The following CDKAL1 variants were observed in gnomAD, a reference collection of about 807,000 sequenced individuals.
CDKAL1 encodes CDKAL1 threonylcarbamoyladenosine tRNA methylthiotransferase, also known as threonylcarbamoyladenosine tRNA methylthiotransferase.
In CDKAL1, 32 loss-of-function variants were observed where a neutral mutation model predicts 68.2. The observed-to-expected ratio is 0.47, with a 90% CI of 0.35 to 0.63. The LOEUF (loss-of-function observed/expected upper bound fraction) is 0.63, where lower values mean the gene tolerates loss of function less well. Ranked by LOEUF, CDKAL1 falls within the 30% of genes least tolerant of loss-of-function variation. The pLI is 0.00. For missense variants in CDKAL1, 606 were observed against 696.7 expected, an observed-to-expected ratio of 0.87 and a Z score of 1.47; for synonymous variants, 234 against 244.3, an observed-to-expected ratio of 0.96 and a Z score of 0.39.
At chr6:21,185,927 A>G (rs1777991937) in intron 13 of CDKAL1, among the ~76,000 whole-genome samples, 1 of 152,132 alleles carries the variant, frequency 6.6e-6, no homozygotes, top group South Asian at 2.1e-4. Flanking sequence ...ACAGCAGGAG[A>G]GGAAATCAGA....
At chr6:21,204,950 C>A (rs1220514908) in intron 15 of CDKAL1, among the ~76,000 whole-genome samples, 2 of 152,178 alleles carry the variant, frequency 1.3e-5, no homozygotes, top group Non-Finnish European at 2.9e-5. Flanking sequence ...CTCCTCATTT[C>A]CCCCTTCCCT....
intron 2 of CDKAL1, among the ~76,000 whole-genome samples, chr6:20,542,806 T>C (rs963887877): frequency 5.3e-5 from 8 of 152,198 alleles, no homozygotes; most frequent in African/African-American, 1.9e-4. Flanking sequence ...TTTATAGTCA[T>C]ACCCATTCTC....
At chr6:21,106,802 G>A (rs2150989589) in intron 12 of CDKAL1, among the ~76,000 whole-genome samples, 1 of 152,274 alleles carries the variant, frequency 6.6e-6, no homozygotes, top group South Asian at 2.1e-4. Context: ...AGGGACAGCT[G>A]TACATAGAAT....
intron 8 of CDKAL1, among the ~76,000 whole-genome samples, chr6:20,838,466 G>T (rs1778047237): frequency 6.6e-6 from 1 of 152,104 alleles, no homozygotes; most frequent in African/African-American, 2.4e-5. Context: ...ATTTTTGTCT[G>T]CTGTCATTGC....
rs1485295348 is a variant in CDKAL1 at position 21,184,703 on chromosome 6, TAC to T, written c.1300-13316_1300-13315del. Among the ~76,000 whole-genome samples, 6 of 152,220 alleles carry T rather than the reference TAC, an allele frequency of 3.9e-5. No individual in the cohort carries two copies. In the East Asian group the frequency reaches 1.2e-3, roughly 29 times the overall value. On this transcript the variant is annotated intron_variant, in intron 13 of 15. Transcript: ENST00000274695. ...GTCTCACTCTGTTCCCAGGCTGGAG[TAC>T]AGTGGCACATTCATAGCTCACTGGT...
At chr6:20,921,740 A>T (rs1430515034) in intron 9 of CDKAL1, among the ~76,000 whole-genome samples, 1 of 152,138 alleles carries the variant, frequency 6.6e-6, no homozygotes, top group Non-Finnish European at 1.5e-5. Context: ...CCTATTGGTG[A>T]TGTAATTTCT....
At chr6:20,968,986 T>C (rs1765460266) in intron 10 of CDKAL1, among the ~76,000 whole-genome samples, 1 of 152,160 alleles carries the variant, frequency 6.6e-6, no homozygotes, top group Non-Finnish European at 1.5e-5. Context: ...AGGGTTTTCT[T>C]ATGGTTTATG....
intron 5 of CDKAL1, among the ~76,000 whole-genome samples, chr6:20,702,098 T>G (rs1256099610): frequency 6.6e-6 from 1 of 152,158 alleles, no homozygotes; most frequent in Non-Finnish European, 1.5e-5. Context: ...CCTGTGCTGT[T>G]TGGTGTTTAA....
chr6:21,141,319 C>T (rs1318338065), intron 13 of CDKAL1, among the ~76,000 whole-genome samples: 1 of 152,192 alleles, frequency 6.6e-6, no homozygotes, highest in Non-Finnish European at 1.5e-5. Flanking sequence ...AGCCCAGGCA[C>T]CTCCACGAAG....
chr6:20,907,188 A>G (rs577900190), intron 9 of CDKAL1, among the ~76,000 whole-genome samples: 1 of 152,298 alleles, frequency 6.6e-6, no homozygotes, highest in African/African-American at 2.4e-5. Context: ...ATCATTCAAT[A>G]TGTCTTAACT....
intron 4 of CDKAL1, among the ~76,000 whole-genome samples, chr6:20,610,096 A>G (rs1249699366): frequency 6.6e-6 from 1 of 152,320 alleles, no homozygotes; most frequent in Non-Finnish European, 1.5e-5. Context: ...ATGTCCCTGC[A>G]AAGGACATGA....
intron 9 of CDKAL1, among the ~76,000 whole-genome samples, chr6:20,872,011 T>C (rs1760245730): frequency 6.6e-6 from 1 of 152,146 alleles, no homozygotes. Context: ...CTTGAAGTTA[T>C]TTTGCCCCAA....
At chr6:21,171,200 T>C (rs2151075184) in intron 13 of CDKAL1, among the ~76,000 whole-genome samples, 1 of 152,288 alleles carries the variant, frequency 6.6e-6, no homozygotes, top group African/African-American at 2.4e-5. Flanking sequence ...AATGCTATCA[T>C]TATATTGCAT....
At chr6:20,764,624 T>C (rs1372650762) in intron 7 of CDKAL1, among the ~76,000 whole-genome samples, 2 of 152,190 alleles carry the variant, frequency 1.3e-5, no homozygotes, top group African/African-American at 4.8e-5. Context: ...CTGTATCAAG[T>C]GTGGTTTGAT....
intron 4 of CDKAL1, among the ~76,000 whole-genome samples, chr6:20,618,474 G>A (rs10456007): frequency 0.26 from 39,220 of 151,886 alleles, 5,403 homozygotes; most frequent in Middle Eastern, 0.37. Context: ...TGTTTTAGTC[G>A]TGAAGTCCTT....
intron 9 of CDKAL1, among the ~76,000 whole-genome samples, chr6:20,871,571 A>G (rs1257385028): frequency 1.3e-5 from 2 of 151,898 alleles, no homozygotes; most frequent in Non-Finnish European, 2.9e-5. Context: ...GATATAAACA[A>G]CAACAACGAC....
chr6:20,970,106 C>G (rs1765520335), intron 10 of CDKAL1, among the ~76,000 whole-genome samples: 1 of 152,126 alleles, frequency 6.6e-6, no homozygotes, highest in Non-Finnish European at 1.5e-5. Context: ...AATAAGCAAG[C>G]TGTGTGAGTG....
intron 11 of CDKAL1, among the ~76,000 whole-genome samples, chr6:21,034,499 C>T (rs189364086): frequency 6.6e-6 from 1 of 152,218 alleles, no homozygotes. Context: ...CATAAGTGGC[C>T]AATTAAAGCA....
At chr6:20,714,150 C>A (rs1436627660) in intron 5 of CDKAL1, among the ~76,000 whole-genome samples, 1 of 151,710 alleles carries the variant, frequency 6.6e-6, no homozygotes, top group African/African-American at 2.4e-5. Context: ...AAATTACCAC[C>A]AGCTTATGGG....
Sources: gnomAD v4.1 joint callset for allele counts (sites outside exome capture counted in the v4.1 genomes callset) on GRCh38, gnomAD v4.1.1 for gene constraint, MANE v1.5 for transcripts, NCBI Gene and HGNC (gene_info 2026-07-23, HGNC 2026-07-21) for gene names.